The following OR56A3 variants were observed in gnomAD, a reference collection of about 807,000 sequenced individuals.
The protein encoded by OR56A3 is olfactory receptor family 56 subfamily A member 3.
A neutral mutation model predicts 17.5 loss-of-function variants in OR56A3; 23 were observed. The observed-to-expected ratio is 1.32, with a 90% CI of 0.95 to 1.87. The LOEUF (loss-of-function observed/expected upper bound fraction) is 1.87. Ranked by LOEUF, OR56A3 falls within the 40% of genes most tolerant of loss-of-function variation. The pLI is 0.00. For missense variants in OR56A3, 366 were observed against 380.1 expected (o/e 0.96, Z 0.31); for synonymous variants, 175 against 150.6 (o/e 1.16, Z -1.19).
At chr11:5,972,656 G>A in the OR56A3 span, among the ~76,000 whole-genome samples, 1 of 152,304 alleles carries the variant, frequency 6.6e-6, no homozygotes, top group South Asian at 2.1e-4. Flanking sequence ...CTAAGTTAAA[G>A]GTTCCCATGA....
chr11:6,011,648 G>C, the OR56A3 span, among the ~76,000 whole-genome samples: 3 of 152,138 alleles, frequency 2.0e-5, no homozygotes, highest in Non-Finnish European at 4.4e-5. Flanking sequence ...TCTGGCCAGT[G>C]GTGCCTTTGC....
chr11:5,956,448 C>T, the OR56A3 span, among the ~76,000 whole-genome samples: 40,060 of 151,904 alleles, frequency 0.26, 5,608 homozygotes, highest in East Asian at 0.46. Flanking sequence ...GTCTTTCTCA[C>T]GTCAGTGTCT....
chr11:5,968,629 C>T, the OR56A3 span: 1 of 670,764 alleles, frequency 1.5e-6, no homozygotes, highest in South Asian at 2.0e-5. Context: ...ATACAGATGA[C>T]CAATCCCAAA....
chr11:5,980,167 G>A, the OR56A3 span, among the ~76,000 whole-genome samples: 1 of 152,094 alleles, frequency 6.6e-6, no homozygotes, highest in African/African-American at 2.4e-5. Flanking sequence ...CTCTGTGGTT[G>A]TTGGGTGGAG....
At chr11:6,005,642 T>C in the OR56A3 span, among the ~76,000 whole-genome samples, 1 of 152,200 alleles carries the variant, frequency 6.6e-6, no homozygotes, top group African/African-American at 2.4e-5. Context: ...TCAAATCTTG[T>C]AGTTCTGGAA....
chr11:5,987,121 T>C, the OR56A3 span: 1 of 613,538 alleles, frequency 1.6e-6, no homozygotes. Flanking sequence ...CTTAGTTTTG[T>C]TTAGAGATAA....
At chr11:6,013,767 T>C in the OR56A3 span, among the ~76,000 whole-genome samples, 1 of 152,120 alleles carries the variant, frequency 6.6e-6, no homozygotes, top group African/African-American at 2.4e-5. Context: ...ATGTGCACCA[T>C]CAGAGAGCCT....
At chr11:5,979,647 A>G in the OR56A3 span, among the ~76,000 whole-genome samples, 5 of 152,012 alleles carry the variant, frequency 3.3e-5, no homozygotes, top group Non-Finnish European at 7.4e-5. Context: ...TCTTTCAAAG[A>G]AAAACGTTTT....
chr11:6,002,275 C>T, the OR56A3 span: 4 of 1,614,036 alleles, frequency 2.5e-6, no homozygotes, highest in Admixed American at 1.7e-5. Flanking sequence ...GTGCTCAAGG[C>T]CTTGGCCACA....
the OR56A3 span, among the ~76,000 whole-genome samples, chr11:5,984,604 C>A: frequency 6.6e-6 from 1 of 152,114 alleles, no homozygotes; most frequent in African/African-American, 2.4e-5. Flanking sequence ...AGAGTTTAAG[C>A]CCTAGACTGG....
downstream of OR56A3, among the ~76,000 whole-genome samples, chr11:5,952,788 A>C (rs1847915061): frequency 6.6e-6 from 1 of 152,194 alleles, no homozygotes; most frequent in Non-Finnish European, 1.5e-5. Flanking sequence ...TTTGTTTTCA[A>C]CATATATCCC....
the OR56A3 span, among the ~76,000 whole-genome samples, chr11:5,964,605 T>C: frequency 1.3e-5 from 2 of 152,204 alleles, no homozygotes; most frequent in African/African-American, 4.8e-5. Context: ...CCCAAACTCA[T>C]GGCCATTCAG....
chr11:5,950,909 GT>G lies in OR56A3; in HGVS notation c.*2617del, dbSNP rs1283538375. 1 of 152,058 alleles carries G rather than the reference GT, an allele frequency of 6.6e-6. No individual in the cohort carries two copies. Among genetic ancestry groups the G allele is most frequent in the Non-Finnish European group, 1.5e-5 (1 of 67,964 alleles). The allele number at this position is 152,058 out of a possible 1,614,324, so 9.4% of individuals were successfully genotyped here. ...AAGTCAGATATGGATAGAAAATAAA[GT>G]TAATTAGAAAATATGTATTCTTCTT... is the stretch of plus-strand genomic sequence containing the variant. On this transcript the variant is annotated 3_prime_UTR_variant, in exon 3 of 3. Transcript: ENST00000641160.
At position 5,949,315 on chromosome 11, in the gene OR56A3, G is replaced by A. The variant is rs545334830; in HGVS notation, c.*1021G>A. 2.0e-5 allele frequency: 3 copies of A among 152,166 alleles called. No individual in the cohort carries two copies. The highest frequency in any genetic ancestry group is 2.9e-5 in the Non-Finnish European group (2 of 68,036). The allele number at this position is 152,166 out of a possible 1,614,324, so 9.4% of individuals were successfully genotyped here. A position where few individuals can be genotyped will look rare whatever the true frequency, so the allele number is the denominator to read the frequency against. On this transcript the variant is annotated 3_prime_UTR_variant, in exon 3 of 3. Transcript: ENST00000641160. The stretch of plus-strand genomic sequence containing the variant: ...ACATTCTTCTAAACTGTAGAGCAGT[G>A]AGGAATGGGATAAAAGATATGTATG...
chr11:5,943,770 C>G (rs1159214725), intron 1 of OR56A3, among the ~76,000 whole-genome samples: 1 of 152,088 alleles, frequency 6.6e-6, no homozygotes, highest in Non-Finnish European at 1.5e-5. Flanking sequence ...ATACAACTAA[C>G]CAAGAGGCTG....
At chr11:5,993,088 G>A in the OR56A3 span, among the ~76,000 whole-genome samples, 1 of 152,270 alleles carries the variant, frequency 6.6e-6, no homozygotes, top group East Asian at 1.9e-4. Context: ...GAGGTGTGGG[G>A]ATAGGATGAG....
chr11:6,020,580 G>A, the OR56A3 span: 1 of 152,024 alleles, frequency 6.6e-6, no homozygotes, highest in South Asian at 2.1e-4. Flanking sequence ...AGCTGTGAAT[G>A]GGATTGCCTT....
chr11:5,993,833 T>C, the OR56A3 span: 28 of 330,492 alleles, frequency 8.5e-5, no homozygotes, highest in East Asian at 2.1e-3. Flanking sequence ...GAACTTTTTA[T>C]TGGCCTCCTG....
chr11:6,016,944 CA>C, the OR56A3 span: 1 of 151,854 alleles, frequency 6.6e-6, no homozygotes. Context: ...AACTTGAAGA[CA>C]GGCTTTTGAA....
Sources: gnomAD v4.1 joint callset for allele counts (sites outside exome capture counted in the v4.1 genomes callset) on GRCh38, gnomAD v4.1.1 for gene constraint, MANE v1.5 for transcripts, NCBI Gene and HGNC (gene_info 2026-07-23, HGNC 2026-07-21) for gene names.